FREM1: variants seen among roughly 807,000 people sequenced by gnomAD.
FREM1 encodes the protein FRAS1 related extracellular matrix 1.
FREM1 carries 220 observed loss-of-function variants against 210.1 expected under a neutral mutation model. That is an observed-to-expected ratio of 1.05 (90% confidence interval 0.94 to 1.17). The LOEUF (loss-of-function observed/expected upper bound fraction) is 1.17, where lower values mean the gene tolerates loss of function less well. Among genes scored for constraint, FREM1 ranks in the 50% most tolerant of loss-of-function variants. FREM1 has a pLI of 0.00. For missense variants in FREM1, 3,454 were observed against 2,675.5 expected (o/e 1.29, Z -6.42); for synonymous variants, 1,189 against 980.2 (o/e 1.21, Z -3.98).
chr9:14,774,513 CT>C (rs1264798248), intron 25 of FREM1, among the ~76,000 whole-genome samples: 1 of 2,170 alleles, frequency 4.6e-4, no homozygotes, highest in African/African-American at 1.7e-3. Context: ...TAAAATAAAT[CT>C]CTCTCTCTCT....
Position 14,824,116 on chromosome 9 carries a change from C to G in FREM1, c.2079-1G>C. 6.4e-7 allele frequency: 1 copy of G among 1,563,448 alleles called. No individual in the cohort carries two copies. The highest frequency in any genetic ancestry group is 8.7e-7 in the Non-Finnish European group (1 of 1,148,942). On this transcript the variant is annotated splice_acceptor_variant, in intron 11 of 36. Transcript: ENST00000380880. LOFTEE classifies it high-confidence loss of function. ...AAATAATTTCCCAGCATCCAAGTGT[C>G]TAAAGAGAAATACAGAGGAGCACAT...
chr9:14,753,172 A>G (rs1037840669), intron 29 of FREM1, among the ~76,000 whole-genome samples: 2 of 152,248 alleles, frequency 1.3e-5, no homozygotes, highest in African/African-American at 2.4e-5. Flanking sequence ...CTGTTCCCAC[A>G]AAACAAAAGG....
intron 8 of FREM1, among the ~76,000 whole-genome samples, chr9:14,845,676 C>T (rs1826478430): frequency 6.6e-6 from 1 of 152,150 alleles, no homozygotes; most frequent in Admixed American, 6.5e-5. Flanking sequence ...AAAAAAATAA[C>T]TAGTTAAGGA....
intron 3 of FREM1, among the ~76,000 whole-genome samples, chr9:14,860,088 T>C (rs7867761): frequency 0.4 from 60,621 of 151,960 alleles, 12,473 homozygotes; most frequent in East Asian, 0.7. Flanking sequence ...TAATGAGTGA[T>C]ATGCATGCAT....
intron 10 of FREM1, 74 bp downstream of exon 10, chr9:14,841,373 G>T (rs1825672009): frequency 3.2e-6 from 4 of 1,260,400 alleles, no homozygotes; most frequent in South Asian, 2.0e-5. Context: ...TTTTCATGTG[G>T]TTTCTAACCA....
rs1320512218 is a variant in FREM1, at chr9:14,868,884, C to A, written c.94G>T (p.Val32Leu). 6.2e-7 allele frequency: 1 copy of A among 1,607,240 alleles called. No homozygotes were observed. Among genetic ancestry groups the A allele is most frequent in the East Asian group, 2.2e-5 (1 of 44,736 alleles). The part of the protein sequence containing the change: ...SPTFISINRG[V>L]RVMKGHSAFL... ...GCAGAGTGGCCCTTCATCACCCTCA[C>A]CCCGCGGTTGATGCTGATGAAGGTG... is the stretch of plus-strand genomic sequence containing the variant. The change falls in exon 2 of 37, where the codon GTG becomes TTG. Residue 32 changes from valine to leucine, a missense_variant. Physicochemically the swap from Val to Leu is conservative, Grantham distance 32. Transcript: ENST00000380880.
At chr9:14,790,758 G>A (rs766802009) in intron 22 of FREM1, 6 of 152,244 alleles carry the variant, frequency 3.9e-5, no homozygotes, top group South Asian at 4.1e-4. Context: ...GGAAAGACTC[G>A]GAGAACTGCT....
rs143552270 is a variant in FREM1, at chr9:14,795,774, G to C, written c.3839+1724C>G. Among the ~76,000 whole-genome samples the C allele has an allele frequency of 6.6e-5, 10 of 152,192 alleles. No homozygotes were observed. In the East Asian group the frequency reaches 1.9e-3, roughly 29 times the overall value. On this transcript the variant is annotated intron_variant, in intron 21 of 36. Transcript: ENST00000380880. ...ATAATATGCATTTTCCACAATTTTG[G>C]TGAGGATTTAATGAAATAATATATG...
chr9:14,851,635 G>A lies in FREM1; in HGVS notation c.829-28C>T, dbSNP rs746543271. On this transcript the variant is annotated intron_variant, in intron 5 of 36. Coordinates refer to ENST00000380880, the MANE Select transcript of FREM1 (RefSeq NM_001379081.2). ...TTTGAAGGATAGAGAAAATATAAAG[G>A]AGGAAATAATATGAATGAGGTGATA... 4.0e-6 allele frequency: 6 copies of A among 1,511,872 alleles called. No individual in the cohort carries two copies. The South Asian group carries it at 5.6e-5, about 14-fold the overall frequency. The allele number at this position is 1,511,872 out of a possible 1,614,324, so 93.7% of individuals were successfully genotyped here.
chr9:14,807,106 G>C (rs1162505050), intron 17 of FREM1, among the ~76,000 whole-genome samples: 1 of 152,186 alleles, frequency 6.6e-6, no homozygotes, highest in Non-Finnish European at 1.5e-5. Context: ...AAAGCCAGCA[G>C]AAATACTAAC....
At chr9:14,902,218 G>C (rs966382803) in intron 1 of FREM1, among the ~76,000 whole-genome samples, 3 of 152,146 alleles carry the variant, frequency 2.0e-5, no homozygotes, top group African/African-American at 7.2e-5. Flanking sequence ...CTTAATGCCA[G>C]ATCTCTCTGG....
rs995257936 is a variant in FREM1 at position 14,819,350 on chromosome 9, G to C, written c.2430C>G (p.Asp810Glu). 1 of 1,613,468 alleles carries C rather than the reference G, an allele frequency of 6.2e-7. No homozygotes were observed. The highest frequency in any genetic ancestry group is 8.5e-7 in the Non-Finnish European group (1 of 1,179,432). Reference sequence around the variant, plus strand: ...ATTCCCGCAGGGAGAGGTCAATATTGTCCAGCTTGGTATCTGCATCAGAAA... The same window carrying C: ...ATTCCCGCAGGGAGAGGTCAATATTCTCCAGCTTGGTATCTGCATCAGAAA... ...ILISDADTKLDNIDLSLRELP... is the reference protein window; with the variant it reads ...ILISDADTKLENIDLSLRELP... Residue 810 changes from aspartate (D) to glutamate (E), a missense_variant, in exon 14 of 37, where the codon GAC becomes GAG. Transcript: ENST00000380880.
At chr9:14,844,719 G>A (rs1041035956) in intron 8 of FREM1, among the ~76,000 whole-genome samples, 8 of 152,158 alleles carry the variant, frequency 5.3e-5, no homozygotes, top group African/African-American at 1.7e-4. Flanking sequence ...CAGGCTTCCC[G>A]ACTTGCTTGC....
intron 1 of FREM1, among the ~76,000 whole-genome samples, chr9:14,890,498 C>T (rs1193944794): frequency 2.0e-5 from 3 of 152,138 alleles, no homozygotes; most frequent in Non-Finnish European, 4.4e-5. Context: ...AGAAAGGAGC[C>T]TTTTTAAGCC....
intron 35 of FREM1, among the ~76,000 whole-genome samples, chr9:14,743,153 G>A (rs1461878105): frequency 6.6e-6 from 1 of 152,068 alleles, no homozygotes; most frequent in African/African-American, 2.4e-5. Flanking sequence ...ATGGGTGAAG[G>A]TGCTTAAAAC....
At chr9:14,767,678 G>T (rs983138129) in intron 27 of FREM1, among the ~76,000 whole-genome samples, 2 of 152,114 alleles carry the variant, frequency 1.3e-5, no homozygotes, top group African/African-American at 4.8e-5. Flanking sequence ...CTTTTTACTG[G>T]AAAATTGTGC....
At position 14,808,167 on chromosome 9, in the gene FREM1, T is replaced by A. The variant is rs770419557; in HGVS notation, c.2894-33A>T. On this transcript the variant is annotated intron_variant, in intron 16 of 36. Transcript: ENST00000380880. ...ACACAACTATAGCTGAAACCTGCCT[T>A]TTAAAAAATATAGAATACCAAGATG... The A allele has an allele frequency of 8.4e-6, 12 of 1,436,108 alleles. No homozygotes were observed. In the East Asian group the frequency reaches 2.6e-4, roughly 31 times the overall value. 89.0% of individuals were successfully genotyped at this position (1,436,108 alleles called of 1,614,324 possible).
chr9:14,762,390 T>C (rs1176309887), intron 27 of FREM1, among the ~76,000 whole-genome samples: 1 of 152,188 alleles, frequency 6.6e-6, no homozygotes, highest in Non-Finnish European at 1.5e-5. Flanking sequence ...TAAAAATCCA[T>C]CAATGTCATT....
chr9:14,905,663 C>T (rs1156816651), intron 1 of FREM1, among the ~76,000 whole-genome samples: 1 of 152,118 alleles, frequency 6.6e-6, no homozygotes, highest in Non-Finnish European at 1.5e-5. Context: ...CCGAGGCTGG[C>T]GGATCACCTG....
Sources: allele counts gnomAD v4.1 joint callset (sites outside exome capture counted in the v4.1 genomes callset), GRCh38; gene constraint gnomAD v4.1.1; transcripts MANE v1.5; gene names NCBI Gene and HGNC (gene_info 2026-07-23, HGNC 2026-07-21).